Variants in MEGF10 observed in about 807,000 individuals in gnomAD.
MEGF10 encodes the protein multiple EGF like domains 10, also known as multiple epidermal growth factor-like domains protein 10.
A neutral mutation model predicts 147.5 loss-of-function variants in MEGF10; 86 were observed. That is an observed-to-expected ratio of 0.58 (90% CI 0.49 to 0.70). The LOEUF (loss-of-function observed/expected upper bound fraction) is 0.70. Among genes scored for constraint, MEGF10 ranks in the 30% least tolerant of loss-of-function variants. The pLI is 0.00. For synonymous variants in MEGF10, 478 were observed against 525.5 expected (o/e 0.91, Z 1.24); for missense variants, 1,329 against 1,487.3 (o/e 0.89, Z 1.75).
chr5:127,429,334 T>G (rs1416173158), intron 13 of MEGF10, among the ~76,000 whole-genome samples: 2 of 152,212 alleles, frequency 1.3e-5, no homozygotes, highest in Non-Finnish European at 1.5e-5. Context: ...CATCTCCACC[T>G]CCTTAGCAGG....
intron 5 of MEGF10, among the ~76,000 whole-genome samples, chr5:127,376,314 T>C (rs901703926): frequency 7.2e-5 from 11 of 151,998 alleles, no homozygotes; most frequent in Non-Finnish European, 1.3e-4. Context: ...GCTGAGAAGA[T>C]GGTGAAAGAA....
At chr5:127,259,643 C>T in the MEGF10 span, among the ~76,000 whole-genome samples, 4 of 152,202 alleles carry the variant, frequency 2.6e-5, no homozygotes, top group South Asian at 8.3e-4. Context: ...GTATATCAGC[C>T]CCCTCTCAGC....
At chr5:127,326,407 T>A (rs143312688) in intron 1 of MEGF10, among the ~76,000 whole-genome samples, 1 of 152,208 alleles carries the variant, frequency 6.6e-6, no homozygotes, top group South Asian at 2.1e-4. Flanking sequence ...CTGGATAATA[T>A]GTTATTAGAA....
intron 1 of MEGF10, among the ~76,000 whole-genome samples, chr5:127,298,674 G>A (rs1759626676): frequency 1.3e-5 from 2 of 152,236 alleles, no homozygotes; most frequent in South Asian, 2.1e-4. Flanking sequence ...CCTTTTTTGT[G>A]TGTTTTTAAA....
At chr5:127,402,229 T>G (rs1450051620) in intron 7 of MEGF10, among the ~76,000 whole-genome samples, 1 of 152,208 alleles carries the variant, frequency 6.6e-6, no homozygotes, top group Non-Finnish European at 1.5e-5. Context: ...ATTTATACAT[T>G]CCTTAGGTTG....
chr5:127,304,674 T>C (rs1433652359), intron 1 of MEGF10, among the ~76,000 whole-genome samples: 1 of 152,176 alleles, frequency 6.6e-6, no homozygotes, highest in Non-Finnish European at 1.5e-5. Context: ...TTGTATTTTT[T>C]GGTAGAGACA....
the MEGF10 span, among the ~76,000 whole-genome samples, chr5:127,282,562 T>A: frequency 6.6e-6 from 1 of 152,258 alleles, no homozygotes; most frequent in African/African-American, 2.4e-5. Context: ...GTATAGTTTA[T>A]TGATGACTTA....
chr5:127,373,201 G>C (rs945506749), intron 5 of MEGF10, among the ~76,000 whole-genome samples: 2 of 152,136 alleles, frequency 1.3e-5, no homozygotes, highest in African/African-American at 4.8e-5. Flanking sequence ...CACCTAGGCT[G>C]GAGTGCAATG....
chr5:127,439,051 C>G (rs142122629), intron 17 of MEGF10, among the ~76,000 whole-genome samples: 1 of 152,182 alleles, frequency 6.6e-6, no homozygotes, highest in Non-Finnish European at 1.5e-5. Context: ...CCCAGAAAGC[C>G]GGAAGCAGCG....
intron 8 of MEGF10, among the ~76,000 whole-genome samples, chr5:127,408,902 C>A (rs1764439365): frequency 6.6e-6 from 1 of 152,086 alleles, no homozygotes; most frequent in Non-Finnish European, 1.5e-5. Flanking sequence ...CATAGCAAGA[C>A]CTCATCTTTA....
At chr5:127,274,784 G>A in the MEGF10 span, among the ~76,000 whole-genome samples, 1 of 152,182 alleles carries the variant, frequency 6.6e-6, no homozygotes, top group South Asian at 2.1e-4. Flanking sequence ...TTGATGTGAT[G>A]TATGAGATAA....
chr5:127,446,210 AT>A (rs1765937814), intron 20 of MEGF10, among the ~76,000 whole-genome samples: 1 of 152,152 alleles, frequency 6.6e-6, no homozygotes, highest in Admixed American at 6.5e-5. Flanking sequence ...AAAACTCTTG[AT>A]TTTTTCTGTT....
chr5:127,242,022 T>C, the MEGF10 span, among the ~76,000 whole-genome samples: 1 of 152,092 alleles, frequency 6.6e-6, no homozygotes, highest in Non-Finnish European at 1.5e-5. Context: ...TAGGGATAGA[T>C]TACATGACCC....
intron 8 of MEGF10, among the ~76,000 whole-genome samples, chr5:127,407,462 T>C (rs1046482209): frequency 1.3e-5 from 2 of 152,116 alleles, no homozygotes; most frequent in African/African-American, 2.4e-5. Flanking sequence ...CCCTCACTGG[T>C]TTTGGGAATT....
chr5:127,446,993 G>A (rs1307932705), intron 20 of MEGF10, among the ~76,000 whole-genome samples: 2 of 152,126 alleles, frequency 1.3e-5, no homozygotes, highest in African/African-American at 2.4e-5. Flanking sequence ...CACTCCTATG[G>A]ATCTTAAATA....
chr5:127,308,254 A>C (rs1297517128), intron 1 of MEGF10, among the ~76,000 whole-genome samples: 1 of 152,222 alleles, frequency 6.6e-6, no homozygotes, highest in Non-Finnish European at 1.5e-5. Flanking sequence ...CAGAAAATCC[A>C]AATTAGGGAA....
intron 5 of MEGF10, among the ~76,000 whole-genome samples, chr5:127,391,139 CACACACACACACACATACAT>C (rs879270826): frequency 0.042 from 4,737 of 113,210 alleles, 209 homozygotes; most frequent in South Asian, 0.073. Context: ...CACACACACA[CACACACACACACACATACAT>C]GCTTATTTCT....
At chr5:127,368,049 A>G (rs1390651218) in intron 4 of MEGF10, among the ~76,000 whole-genome samples, 1 of 152,194 alleles carries the variant, frequency 6.6e-6, no homozygotes, top group African/African-American at 2.4e-5. Flanking sequence ...TTTTAACAAA[A>G]GACCAGTACC....
intron 9 of MEGF10, among the ~76,000 whole-genome samples, chr5:127,413,661 T>C (rs1369613632): frequency 5.9e-5 from 9 of 152,178 alleles, no homozygotes; most frequent in Non-Finnish European, 1.3e-4. Flanking sequence ...AGGTAATGAG[T>C]ATATCACCCT....
Sources: gnomAD v4.1 joint callset for allele counts (sites outside exome capture counted in the v4.1 genomes callset) on GRCh38, gnomAD v4.1.1 for gene constraint, MANE v1.5 for transcripts, NCBI Gene and HGNC (gene_info 2026-07-23, HGNC 2026-07-21) for gene names.